Variants in TGM6 observed in about 807,000 individuals in gnomAD.
The protein encoded by TGM6 is protein-glutamine gamma-glutamyltransferase 6.
In TGM6, 74 loss-of-function variants were observed where a neutral mutation model predicts 77.5. The ratio of observed to expected loss-of-function variants is 0.96; its 90% confidence interval spans 0.79 to 1.16. TGM6 has a LOEUF of 1.16. TGM6 is among the 50% of genes most tolerant of loss of function. The pLI, the probability that TGM6 is intolerant of heterozygous loss-of-function variation, is 0.00. For missense variants in TGM6, 968 were observed against 940.2 expected, an observed-to-expected ratio of 1.03 and a Z score of -0.39; for synonymous variants, 383 against 378.9, an observed-to-expected ratio of 1.01 and a Z score of -0.12.
chr20:2,394,396 G>T, intron 1 of TGM6, 56 bp from the exon 2 acceptor site: 1 of 1,594,256 alleles, frequency 6.3e-7, no homozygotes. Context: ...GACAAGCTCA[G>T]AGTGGGTGAG....
At position 2,417,212 on chromosome 20, in the gene TGM6, C is replaced by A. The variant is rs529551212; in HGVS notation, c.1337-20C>A. On this transcript the variant is annotated intron_variant, in intron 9 of 12. Transcript: ENST00000202625. Reference sequence around the variant, plus strand: ...GGAGCAAGGGGGTGCCTGCCGCTGACGTTGTGTGATGCCCTGCAGGGTCCC... The same window carrying A: ...GGAGCAAGGGGGTGCCTGCCGCTGAAGTTGTGTGATGCCCTGCAGGGTCCC... 6.3e-7 allele frequency: 1 copy of A among 1,577,466 alleles called. No individual in the cohort carries two copies. Among genetic ancestry groups the A allele is most frequent in the Non-Finnish European group, 8.6e-7 (1 of 1,161,356 alleles).
chr20:2,387,324 T>G (rs568340833), intron 1 of TGM6, among the ~76,000 whole-genome samples: 6 of 152,342 alleles, frequency 3.9e-5, no homozygotes, highest in African/African-American at 1.4e-4. Context: ...TTGGTTTTAC[T>G]TTCTGTTGTG....
chr20:2,396,338 T>A, intron 3 of TGM6, among the ~76,000 whole-genome samples, 168 bp from the exon 4 acceptor site: 1 of 152,116 alleles, frequency 6.6e-6, no homozygotes, highest in Non-Finnish European at 1.5e-5. Flanking sequence ...CCAGGAGGGA[T>A]GGAGTTTGGC....
intron 9 of TGM6, among the ~76,000 whole-genome samples, chr20:2,404,246 C>A (rs1175468359): frequency 1.3e-5 from 2 of 152,218 alleles, no homozygotes; most frequent in Non-Finnish European, 2.9e-5. Context: ...TTAGCATCTG[C>A]CAGGGCCTGT....
At chr20:2,396,160 A>G (rs2084664586) in intron 3 of TGM6, among the ~76,000 whole-genome samples, 1 of 150,094 alleles carries the variant, frequency 6.7e-6, no homozygotes, top group Non-Finnish European at 1.5e-5. Context: ...AGCCTGGGCA[A>G]CAAGAGCAAA....
intron 9 of TGM6, among the ~76,000 whole-genome samples, chr20:2,413,833 G>A (rs185420552): frequency 2.5e-3 from 374 of 152,168 alleles, no homozygotes; most frequent in Non-Finnish European, 4.1e-3. Context: ...CATGATCTTC[G>A]GTTAGACCAA....
In TGM6 at chr20:2,403,759, C is replaced by G. The variant is rs777370613; in HGVS notation, c.1272C>G (p.Ile424Met). The G allele has an allele frequency of 3.7e-6, 6 of 1,614,110 alleles. No homozygotes were observed. Among genetic ancestry groups the G allele is most frequent in the Non-Finnish European group, 5.1e-6 (6 of 1,180,054 alleles). ...YSNTKKIGRC[I>M]STKAVGSDSR... is the part of the protein sequence containing the mutation. ...ACACGAAGAAGATTGGGAGATGCAT[C>G]AGCACCAAGGCGGTGGGCAGTGACT... The change falls in exon 9 of 13, where the codon ATC becomes ATG. Residue 424 changes from isoleucine (I) to methionine (M), a missense_variant. Transcript: ENST00000202625.
intron 10 of TGM6, among the ~76,000 whole-genome samples, chr20:2,427,315 G>GC: frequency 6.6e-6 from 1 of 151,842 alleles, no homozygotes; most frequent in Admixed American, 6.6e-5. Flanking sequence ...TTTACTCTCT[G>GC]TTTTTTTCCT....
chr20:2,409,962 A>G (rs929637915), intron 9 of TGM6, among the ~76,000 whole-genome samples: 3 of 152,186 alleles, frequency 2.0e-5, no homozygotes, highest in African/African-American at 7.2e-5. Flanking sequence ...CAAAAATGAA[A>G]AGAACTATAG....
chr20:2,391,424 A>G (rs1165239180), intron 1 of TGM6, among the ~76,000 whole-genome samples: 1 of 150,708 alleles, frequency 6.6e-6, no homozygotes, highest in Non-Finnish European at 1.5e-5. Context: ...CAGGAAAGAG[A>G]TATGTGCGAC....
chr20:2,430,638 G>A (rs1388164764), intron 11 of TGM6, 38 bp downstream of exon 11: 12 of 1,612,952 alleles, frequency 7.4e-6, no homozygotes, highest in Non-Finnish European at 1.0e-5. Flanking sequence ...GTTCCTAGTG[G>A]CACCCACTCC....
chr20:2,389,799 G>T (rs562757319), intron 1 of TGM6, among the ~76,000 whole-genome samples: 5 of 152,074 alleles, frequency 3.3e-5, no homozygotes, highest in African/African-American at 9.7e-5. Context: ...CAAAAACAAG[G>T]CCACTCCATA....
intron 9 of TGM6, among the ~76,000 whole-genome samples, chr20:2,414,046 A>G (rs567591976): frequency 5.7e-4 from 87 of 152,200 alleles, no homozygotes; most frequent in Non-Finnish European, 9.7e-4. Context: ...CTTAAAACTC[A>G]ACCATAAAAA....
intron 7 of TGM6, among the ~76,000 whole-genome samples, chr20:2,401,161 T>A (rs531690174): frequency 6.6e-6 from 1 of 151,384 alleles, no homozygotes; most frequent in Non-Finnish European, 1.5e-5. Context: ...TGAGCCAAGA[T>A]CATGCCACTG....
chr20:2,425,799 G>T (rs925516893), intron 10 of TGM6, among the ~76,000 whole-genome samples: 2 of 152,046 alleles, frequency 1.3e-5, no homozygotes, highest in Non-Finnish European at 2.9e-5. Flanking sequence ...TGTAACAATC[G>T]AATCAGGGTA....
At chr20:2,395,485 AGAG>A in intron 3 of TGM6, 49 bp downstream of exon 3, 1 of 1,614,060 alleles carries the variant, frequency 6.2e-7, no homozygotes, top group Non-Finnish European at 8.5e-7. Flanking sequence ...AGACATCCTT[AGAG>A]GAGAGCCTGC....
chr20:2,393,617 T>A (rs1211257775), intron 1 of TGM6, among the ~76,000 whole-genome samples: 3 of 152,122 alleles, frequency 2.0e-5, no homozygotes, highest in Non-Finnish European at 4.4e-5. Context: ...CACGGCAACT[T>A]CCACCTCCCG....
chr20:2,417,365 C>A lies in TGM6; in HGVS notation c.1470C>A (p.Ala490=). The part of the protein sequence containing the change: ...CLWRDDLLEP[A]TKPSIAGKFK... ...GGCGTGACGACCTCCTGGAGCCTGC[C>A]ACCAAGCCCAGCATCGCTGGCAAGT... The change falls in exon 10 of 13, where the codon GCC becomes GCA. Residue 490 remains alanine, a synonymous_variant. Coordinates refer to ENST00000202625, the MANE Select transcript of TGM6 (RefSeq NM_198994.3). 6.2e-7 allele frequency: 1 copy of A among 1,613,330 alleles called. No individual in the cohort carries two copies. The highest frequency in any genetic ancestry group is 8.5e-7 in the Non-Finnish European group (1 of 1,179,488).
chr20:2,422,711 C>T (rs2084864669), intron 10 of TGM6, among the ~76,000 whole-genome samples: 1 of 152,056 alleles, frequency 6.6e-6, no homozygotes, highest in South Asian at 2.1e-4. Context: ...GCAGAAGGAT[C>T]ACTTGAGCTC....
Sources: allele counts gnomAD v4.1 joint callset (sites outside exome capture counted in the v4.1 genomes callset), GRCh38; gene constraint gnomAD v4.1.1; transcripts MANE v1.5; gene names NCBI Gene and HGNC (gene_info 2026-07-23, HGNC 2026-07-21).